The following CYP4F11 variants were observed in gnomAD, a reference collection of about 807,000 sequenced individuals.
The protein encoded by CYP4F11 is cytochrome P450 family 4 subfamily F member 11, also known as cytochrome P450 4F11.
In CYP4F11, 79 loss-of-function variants were observed where a neutral mutation model predicts 62.2. The ratio of observed to expected loss-of-function variants is 1.27; its 90% CI spans 1.06 to 1.53. The LOEUF is 1.53. Ranked by LOEUF, CYP4F11 falls within the 40% of genes most tolerant of loss-of-function variation. CYP4F11 has a pLI of 0.00. For missense variants in CYP4F11, 777 were observed against 680.5 expected, an observed-to-expected ratio of 1.14 and a Z score of -1.58; for synonymous variants, 290 against 263.7, an observed-to-expected ratio of 1.10 and a Z score of -0.97.
chr19:15,916,617 A>G (rs2089585135), intron 8 of CYP4F11, among the ~76,000 whole-genome samples: 5 of 152,164 alleles, frequency 3.3e-5, no homozygotes, highest in Admixed American at 3.3e-4. Flanking sequence ...GTAGGCAAAG[A>G]CATGAATAGG....
chr19:15,914,413 CTGGGTGGGGTCACCCAGT>C (rs750311706), intron 10 of CYP4F11, 26 bp from the exon 11 acceptor site: 68 of 1,608,518 alleles, frequency 4.2e-5, no homozygotes, highest in Admixed American at 3.4e-4. Flanking sequence ...AGAAGGCTTG[CTGGGTGGGGTCACCCAGT>C]TGGGTGGGGT....
At chr19:15,930,168 A>G (rs957096201) in intron 1 of CYP4F11, among the ~76,000 whole-genome samples, 3 of 152,164 alleles carry the variant, frequency 2.0e-5, no homozygotes, top group African/African-American at 7.2e-5. Flanking sequence ...ACCAGGAGCC[A>G]CATCAAGTTC....
At position 15,934,422 on chromosome 19, in the gene CYP4F11, C is replaced by G; in HGVS notation, c.-14G>C. On this transcript the variant is annotated 5_prime_UTR_variant, in exon 1 of 12. Coordinates refer to ENST00000402119, the MANE Select transcript of CYP4F11 (RefSeq NM_021187.4). ...CAGCTGCGGCATCCTGCAGGGCAGA[C>G]GGGATGGAGGGTGGGATCCTGAGGC... 1.2e-6 allele frequency: 2 copies of G among 1,611,550 alleles called. No homozygotes were observed. Among genetic ancestry groups the G allele is most frequent in the Non-Finnish European group, 1.7e-6 (2 of 1,179,116 alleles).
intron 8 of CYP4F11, among the ~76,000 whole-genome samples, chr19:15,915,858 AT>A (rs79768693): frequency 0.071 from 10,834 of 151,808 alleles, 1,129 homozygotes; most frequent in East Asian, 0.51. Context: ...GATTGAGTTG[AT>A]TTTTTTTCCA....
chr19:15,918,507 C>T (rs2089599090), intron 8 of CYP4F11, among the ~76,000 whole-genome samples: 1 of 152,058 alleles, frequency 6.6e-6, no homozygotes, highest in Admixed American at 6.6e-5. Flanking sequence ...CCATCAAACT[C>T]AGCTAATAGG....
chr19:15,921,375 A>G (rs138049668), intron 8 of CYP4F11, among the ~76,000 whole-genome samples: 2,797 of 152,198 alleles, frequency 0.018, 47 homozygotes, highest in Middle Eastern at 0.11. Flanking sequence ...GCCGGGTGAG[A>G]CACTTTCTGT....
chr19:15,921,363 T>C (rs2089627564), intron 8 of CYP4F11, among the ~76,000 whole-genome samples: 1 of 152,212 alleles, frequency 6.6e-6, no homozygotes. Context: ...CCAGCCACTG[T>C]GGCCGGGTGA....
intron 8 of CYP4F11, among the ~76,000 whole-genome samples, chr19:15,916,791 T>A (rs1287097548): frequency 2.0e-5 from 3 of 151,836 alleles, no homozygotes; most frequent in Non-Finnish European, 4.4e-5. Context: ...GGTGTGGATA[T>A]GGTGAAAAGG....
At chr19:15,925,077 C>T (rs762516962) in intron 4 of CYP4F11, among the ~76,000 whole-genome samples, 195 bp from the exon 5 acceptor site, 3 of 152,134 alleles carry the variant, frequency 2.0e-5, no homozygotes, top group Non-Finnish European at 4.4e-5. Flanking sequence ...GGCTGGGAGT[C>T]GAGAGATCTG....
chr19:15,916,124 TG>T (rs2089581910), intron 8 of CYP4F11, among the ~76,000 whole-genome samples: 1 of 152,176 alleles, frequency 6.6e-6, no homozygotes, highest in Non-Finnish European at 1.5e-5. Flanking sequence ...AAATATTATT[TG>T]AATACATTAA....
At chr19:15,922,937 G>T (rs984433594) in intron 6 of CYP4F11, among the ~76,000 whole-genome samples, 1 of 152,128 alleles carries the variant, frequency 6.6e-6, no homozygotes, top group Non-Finnish European at 1.5e-5. Context: ...TGTAATCCCA[G>T]CTCTTCAGGA....
chr19:15,913,696 T>C lies in CYP4F11; in HGVS notation c.*36A>G. On this transcript the variant is annotated 3_prime_UTR_variant, in exon 12 of 12. Coordinates refer to ENST00000402119, the MANE Select transcript of CYP4F11 (RefSeq NM_021187.4). ...AGAGGTGTCAGCATAGTTTTGTTTC[T>C]GGGACTCTACAGAGGTGGGTGGGTG... The C allele has an allele frequency of 6.2e-7, 1 of 1,600,108 alleles. No homozygotes were observed.
At chr19:15,930,376 A>C (rs1385867075) in intron 1 of CYP4F11, among the ~76,000 whole-genome samples, 1 of 152,122 alleles carries the variant, frequency 6.6e-6, no homozygotes, top group Non-Finnish European at 1.5e-5. Context: ...GGATCACCTG[A>C]GGTCAGGTGT....
At chr19:15,928,876 A>G (rs2089689233) in intron 2 of CYP4F11, among the ~76,000 whole-genome samples, 1 of 152,154 alleles carries the variant, frequency 6.6e-6, no homozygotes, top group Non-Finnish European at 1.5e-5. Flanking sequence ...CCAGACTTGA[A>G]CATCACATAA....
At position 15,922,034 on chromosome 19, in the gene CYP4F11, C is replaced by T; in HGVS notation, c.1115+3G>A. ...TCAGGAACAGGCCAGCACCTGCACT[C>T]ACCATTCAATCTCTATAGGTTCACG... On this transcript the variant is annotated splice_donor_region_variant and intron_variant, in intron 8 of 11. Transcript: ENST00000402119. 1 of 1,599,126 alleles carries T rather than the reference C, an allele frequency of 6.3e-7. No individual in the cohort carries two copies. The highest frequency in any genetic ancestry group is 8.5e-7 in the Non-Finnish European group (1 of 1,173,318).
At chr19:15,915,759 T>C (rs1357986147) in intron 8 of CYP4F11, among the ~76,000 whole-genome samples, 1 of 152,074 alleles carries the variant, frequency 6.6e-6, no homozygotes, top group Non-Finnish European at 1.5e-5. Context: ...AATTTTCCCA[T>C]GGTTTCTTCT....
Position 15,929,528 on chromosome 19 carries a change from C to T in CYP4F11, c.272G>A (p.Trp91Ter). 6.2e-7 allele frequency: 1 copy of T among 1,614,072 alleles called. No individual in the cohort carries two copies. Among genetic ancestry groups the T allele is most frequent in the Non-Finnish European group, 8.5e-7 (1 of 1,179,986 alleles). ...GAGGAGGGGGAAGGTAGGACCCAGC[C>T]ACAACTTAAAGCCCTGGGGATATGT... ...VTTYPQGFKL[W>*]LGPTFPLLIL... The change falls in exon 2 of 12, where the codon TGG becomes TAG. Residue 91 changes from tryptophan to a stop codon, truncating the protein, a stop_gained. Transcript: ENST00000402119. LOFTEE classifies it high-confidence loss of function.
chr19:15,922,519 C>T, intron 6 of CYP4F11, 89 bp from the exon 7 acceptor site: 1 of 1,403,274 alleles, frequency 7.1e-7, no homozygotes, highest in Non-Finnish European at 1.0e-6. Context: ...TCTGAAGATC[C>T]ATCCTCCTTC....
At position 15,929,482 on chromosome 19, in the gene CYP4F11, A is replaced by T. The variant is rs3765070; in HGVS notation, c.318T>A (p.Ile106=). ...CTGAGGCACTGGTGATAGGCCGGAT[A>T]ATGTCAGGGTGGCATAAAATGAGGA... ...FPLLILCHPD[I]IRPITSASAA... Residue 106 remains isoleucine (I), a synonymous_variant, in exon 2 of 12, where the codon ATT becomes ATA. Transcript: ENST00000402119. The T allele has an allele frequency of 6.2e-7, 1 of 1,613,586 alleles. No individual in the cohort carries two copies. The highest frequency in any genetic ancestry group is 1.3e-5 in the African/African-American group (1 of 74,784).
Sources: gnomAD v4.1 joint callset for allele counts (sites outside exome capture counted in the v4.1 genomes callset) on GRCh38, gnomAD v4.1.1 for gene constraint, MANE v1.5 for transcripts, NCBI Gene and HGNC (gene_info 2026-07-23, HGNC 2026-07-21) for gene names.